CTNNA2: variants seen among roughly 807,000 people sequenced by gnomAD.
The protein encoded by CTNNA2 is catenin alpha 2.
In CTNNA2, 42 loss-of-function variants were observed where a neutral mutation model predicts 101.0. The ratio of observed to expected loss-of-function variants is 0.42; its 90% CI spans 0.32 to 0.54. The LOEUF is 0.54. Ranked by LOEUF, CTNNA2 falls within the 20% of genes least tolerant of loss-of-function variation. The pLI is 0.14. For synonymous variants in CTNNA2, 450 were observed against 456.4 expected, an observed-to-expected ratio of 0.99 and a Z score of 0.18; for missense variants, 871 against 1,223.1, an observed-to-expected ratio of 0.71 and a Z score of 4.29.
At chr2:79,715,197 A>G (rs1686001441) in intron 2 of CTNNA2, among the ~76,000 whole-genome samples, 1 of 129,574 alleles carries the variant, frequency 7.7e-6, no homozygotes, top group African/African-American at 3.3e-5. Flanking sequence ...ACAAGAGCAA[A>G]ATTCCGTCAA....
intron 9 of CTNNA2, among the ~76,000 whole-genome samples, chr2:80,449,654 C>T (rs925178324): frequency 6.6e-6 from 1 of 152,282 alleles, no homozygotes; most frequent in East Asian, 1.9e-4. Context: ...GAACTCCATA[C>T]ATTAGAATGG....
intron 1 of CTNNA2, among the ~76,000 whole-genome samples, chr2:79,538,714 A>C (rs896913652): frequency 6.6e-6 from 1 of 152,210 alleles, no homozygotes; most frequent in African/African-American, 2.4e-5. Flanking sequence ...ACATGGGGTC[A>C]GAGTTTGGTC....
intron 7 of CTNNA2, among the ~76,000 whole-genome samples, chr2:80,374,758 G>A (rs1205820504): frequency 6.6e-6 from 1 of 151,072 alleles, no homozygotes; most frequent in Non-Finnish European, 1.5e-5. Flanking sequence ...TTGGATTAGG[G>A]CTGAGATCGT....
chr2:79,978,678 A>G (rs79608882), intron 7 of CTNNA2, among the ~76,000 whole-genome samples: 56 of 152,300 alleles, frequency 3.7e-4, no homozygotes, highest in African/African-American at 1.3e-3. Flanking sequence ...ACAGTTGCTC[A>G]TAAGTGCTGT....
At chr2:79,333,722 G>A (rs1676928580) in intron 3 of CTNNA2, among the ~76,000 whole-genome samples, 1 of 152,054 alleles carries the variant, frequency 6.6e-6, no homozygotes. Flanking sequence ...AAGAACTACT[G>A]ATGAGTATTA....
At chr2:80,431,882 A>T (rs1681555831) in intron 9 of CTNNA2, among the ~76,000 whole-genome samples, 1 of 152,134 alleles carries the variant, frequency 6.6e-6, no homozygotes, top group South Asian at 2.1e-4. Flanking sequence ...ATAAAAATTA[A>T]AAGCTTCAAC....
At chr2:80,380,028 CTTTTTTTTTTTTTT>C (rs769794108) in intron 7 of CTNNA2, among the ~76,000 whole-genome samples, 1 of 86,524 alleles carries the variant, frequency 1.2e-5, no homozygotes, top group Non-Finnish European at 2.1e-5. Flanking sequence ...TCGAGATGTA[CTTTTTTTTTTTTTT>C]TTTTTTTTTT....
At chr2:79,215,634 C>T (rs1162622409) in intron 2 of CTNNA2, among the ~76,000 whole-genome samples, 1 of 152,104 alleles carries the variant, frequency 6.6e-6, no homozygotes, top group African/African-American at 2.4e-5. Context: ...GAGTCATGTA[C>T]TGGGCTGGGT....
intron 3 of CTNNA2, among the ~76,000 whole-genome samples, chr2:79,840,594 A>AT (rs1259201665): frequency 6.6e-6 from 1 of 152,076 alleles, no homozygotes; most frequent in Non-Finnish European, 1.5e-5. Flanking sequence ...TGAGCCTATT[A>AT]TAAGAGATAT....
At chr2:79,196,606 C>T (rs772946440) in intron 1 of CTNNA2, among the ~76,000 whole-genome samples, 3 of 152,106 alleles carry the variant, frequency 2.0e-5, no homozygotes, top group African/African-American at 7.2e-5. Context: ...CCCAGGGGTA[C>T]CTTATACTTA....
In CTNNA2 at chr2:79,696,083, C is replaced by G. The variant is rs187177580; in HGVS notation, c.102+44425C>G. The stretch of plus-strand genomic sequence containing the variant: ...AAAGACTTACAGCCAATTAAACACT[C>G]TAGGTCAGATGGGAATGGAAGTGGG... On this transcript the variant is annotated intron_variant, in intron 2 of 18. Coordinates refer to ENST00000402739, the MANE Select transcript of CTNNA2 (RefSeq NM_001282597.3). Among the ~76,000 whole-genome samples, 164 of 152,032 alleles carry G rather than the reference C, an allele frequency of 1.1e-3. 1 individual carries two copies. Among genetic ancestry groups the G allele is most frequent in the African/African-American group, 3.9e-3 (160 of 41,510 alleles).
At chr2:79,536,107 T>C (rs1220548328) in intron 1 of CTNNA2, among the ~76,000 whole-genome samples, 1 of 152,094 alleles carries the variant, frequency 6.6e-6, no homozygotes, top group Non-Finnish European at 1.5e-5. Context: ...GAGGCACTGA[T>C]TGGGGTCTGC....
At chr2:79,744,689 T>C (rs1671517585) in intron 3 of CTNNA2, 107 bp downstream of exon 3, 1 of 1,115,622 alleles carries the variant, frequency 9.0e-7, no homozygotes, top group South Asian at 1.8e-5. Flanking sequence ...GTCTTACGTT[T>C]TTTTCCTTTC....
intron 2 of CTNNA2, among the ~76,000 whole-genome samples, chr2:79,281,281 G>T (rs928229767): frequency 6.6e-6 from 1 of 152,082 alleles, no homozygotes; most frequent in Non-Finnish European, 1.5e-5. Context: ...ATCAGATGAC[G>T]CAAGACAAGA....
chr2:79,477,168 C>CTTTTTTTTTTTTTTTTTTT (rs5832392), intron 4 of CTNNA2, among the ~76,000 whole-genome samples: 17 of 123,146 alleles, frequency 1.4e-4, no homozygotes, highest in East Asian at 5.2e-4. Context: ...TCTTTTTTTT[C>CTTTTTTTTTTTTTTTTTTT]TTTTTTTTTT....
rs942413759 is a variant in CTNNA2, at chr2:79,728,962, C to G, written c.103-15425C>G. ...TCTCTGTTTTGGTACCAGTACCATG[C>G]TGTTTTGGTTACTGTAGCCTTGTAG... On this transcript the variant is annotated intron_variant, in intron 2 of 18. Transcript: ENST00000402739. Among the ~76,000 whole-genome samples the G allele has an allele frequency of 3.3e-5, 5 of 152,246 alleles. No homozygotes were observed. In the East Asian group the frequency reaches 9.7e-4, roughly 29 times the overall value.
At chr2:79,653,271 G>A (rs1681383411) in intron 2 of CTNNA2, among the ~76,000 whole-genome samples, 1 of 150,902 alleles carries the variant, frequency 6.6e-6, no homozygotes, top group South Asian at 2.1e-4. Flanking sequence ...AGGTATTCTT[G>A]TCATCCATCT....
intron 7 of CTNNA2, among the ~76,000 whole-genome samples, chr2:80,232,341 GTTTGTTTTTTTTTTTTTTTTTT>G (rs1709282373): frequency 1.2e-4 from 10 of 82,060 alleles, no homozygotes; most frequent in African/African-American, 2.0e-4. Context: ...TTGTTTGTTT[GTTTGTTTTTTTTTTTTTTTTTT>G]TTTTTTTTTT....
chr2:79,813,189 G>T (rs957293568), intron 3 of CTNNA2, among the ~76,000 whole-genome samples: 5 of 152,146 alleles, frequency 3.3e-5, no homozygotes, highest in Admixed American at 1.3e-4. Context: ...ATCCTGCTTT[G>T]CTCCTTTCTA....
Sources: gnomAD v4.1 joint callset for allele counts (sites outside exome capture counted in the v4.1 genomes callset) on GRCh38, gnomAD v4.1.1 for gene constraint, MANE v1.5 for transcripts, NCBI Gene and HGNC (gene_info 2026-07-23, HGNC 2026-07-21) for gene names.